Variants in PARVA observed in about 807,000 individuals in gnomAD.
The protein encoded by PARVA is alpha-parvin.
PARVA carries 25 observed loss-of-function variants against 52.6 expected under a neutral mutation model. The observed-to-expected ratio is 0.48, with a 90% CI of 0.35 to 0.66. PARVA has a LOEUF of 0.66. Among genes scored for constraint, PARVA ranks in the 30% least tolerant of loss-of-function variants. The pLI is 0.01. For missense variants in PARVA, 373 were observed against 450.9 expected (o/e 0.83, Z 1.56); for synonymous variants, 185 against 179.1 (o/e 1.03, Z -0.26).
rs1939418909 is a variant in PARVA at position 12,377,791 on chromosome 11, C to CGGCCA, written c.136+13_136+17dup. 6 of 1,480,604 alleles carry CGGCCA rather than the reference C, an allele frequency of 4.1e-6. No homozygotes were observed. Among genetic ancestry groups the CGGCCA allele is most frequent in the Admixed American group, 2.6e-5 (1 of 38,772 alleles). 91.7% of individuals were successfully genotyped at this position (1,480,604 alleles called of 1,614,324 possible). ...GGAAGAAAGCCAAGGAGGGTGAGTG[C>CGGCCA]GGCCAGGCCGGCCGGGCGGGCGGTA... On this transcript the variant is annotated intron_variant, in intron 1 of 12. Transcript: ENST00000334956.
At chr11:12,378,974 CAG>C (rs1036368394) in intron 1 of PARVA, among the ~76,000 whole-genome samples, 20 of 152,296 alleles carry the variant, frequency 1.3e-4, no homozygotes, top group African/African-American at 4.8e-4. Flanking sequence ...ACTCCATAGA[CAG>C]AGCAGCCTGG....
intron 1 of PARVA, among the ~76,000 whole-genome samples, chr11:12,437,109 A>G (rs1940396933): frequency 6.6e-6 from 1 of 152,224 alleles, no homozygotes; most frequent in African/African-American, 2.4e-5. Context: ...TTATAATCCA[A>G]TATTTTATAG....
At chr11:12,450,952 A>G (rs186450676) in intron 1 of PARVA, among the ~76,000 whole-genome samples, 2 of 152,114 alleles carry the variant, frequency 1.3e-5, no homozygotes, top group Non-Finnish European at 2.9e-5. Context: ...CACTAACTCA[A>G]AATGTTAATC....
chr11:12,402,790 G>T (rs1427463773), intron 1 of PARVA, among the ~76,000 whole-genome samples: 1 of 152,218 alleles, frequency 6.6e-6, no homozygotes, highest in East Asian at 1.9e-4. Context: ...ACATACGTAA[G>T]AAGGAGCTTA....
intron 5 of PARVA, among the ~76,000 whole-genome samples, chr11:12,498,922 A>G (rs1234241786): frequency 6.6e-6 from 1 of 152,138 alleles, no homozygotes; most frequent in Non-Finnish European, 1.5e-5. Flanking sequence ...ATCTTACATC[A>G]CACGTATTTT....
chr11:12,519,568 G>A (rs10765956), intron 12 of PARVA, among the ~76,000 whole-genome samples: 98,973 of 152,004 alleles, frequency 0.65, 32,566 homozygotes, highest in East Asian at 0.81. Flanking sequence ...TCTGTCTTGG[G>A]GGAGGAACAG....
chr11:12,478,765 T>A (rs965824880), intron 4 of PARVA: 2 of 152,540 alleles, frequency 1.3e-5, no homozygotes, highest in Non-Finnish European at 2.9e-5. Context: ...TTGACTTCTC[T>A]GAACTATTGA....
chr11:12,388,560 C>A (rs1335516594), intron 1 of PARVA, among the ~76,000 whole-genome samples: 2 of 152,116 alleles, frequency 1.3e-5, no homozygotes, highest in Admixed American at 6.5e-5. Context: ...GTTTTTCCTT[C>A]CCCATTATAA....
chr11:12,396,570 A>G (rs567003211), intron 1 of PARVA, among the ~76,000 whole-genome samples: 3 of 152,224 alleles, frequency 2.0e-5, no homozygotes, highest in Non-Finnish European at 4.4e-5. Flanking sequence ...TGTCTTGAAG[A>G]TGAAAGGAAT....
chr11:12,501,340 C>G (rs1050492210), intron 5 of PARVA, among the ~76,000 whole-genome samples: 1 of 151,738 alleles, frequency 6.6e-6, no homozygotes, highest in Non-Finnish European at 1.5e-5. Context: ...ATATATATAG[C>G]TATACTATCT....
At chr11:12,485,144 A>G (rs1941142744) in intron 4 of PARVA, among the ~76,000 whole-genome samples, 2 of 151,602 alleles carry the variant, frequency 1.3e-5, no homozygotes, top group African/African-American at 4.9e-5. Context: ...GGCCTTACAG[A>G]AAAAGATTCT....
In PARVA at chr11:12,525,528, T is replaced by A. The variant is rs113919727; in HGVS notation, c.1043-2321T>A. Among the ~76,000 whole-genome samples the A allele has an allele frequency of 4.0e-3, 609 of 152,190 alleles. 8 individuals carry two copies. Among genetic ancestry groups the A allele is most frequent in the African/African-American group, 0.012 (505 of 41,544 alleles). ...CCCTCTCTGCCTTTCTAGCAGTTCCTCCCTGGAGTAACTTCCTGGTATTTG... is the reference window on the plus strand; with the variant it reads ...CCCTCTCTGCCTTTCTAGCAGTTCCACCCTGGAGTAACTTCCTGGTATTTG... On this transcript the variant is annotated intron_variant, in intron 12 of 12. Coordinates refer to ENST00000334956, the MANE Select transcript of PARVA (RefSeq NM_018222.5).
chr11:12,382,129 A>G (rs1939498458), intron 1 of PARVA, among the ~76,000 whole-genome samples: 4 of 152,252 alleles, frequency 2.6e-5, no homozygotes, highest in Admixed American at 2.0e-4. Flanking sequence ...AACAGGAGGT[A>G]GCTGTGAAAT....
chr11:12,394,634 A>G (rs2134958107), intron 1 of PARVA, among the ~76,000 whole-genome samples: 1 of 152,198 alleles, frequency 6.6e-6, no homozygotes, highest in East Asian at 1.9e-4. Context: ...GTATGTGGAG[A>G]GTTGCTGTAG....
rs545224796 is a variant in PARVA at position 12,382,443 on chromosome 11, A to G, written c.136+4660A>G. 2.0e-4 allele frequency among the ~76,000 whole-genome samples: 30 copies of G among 150,298 alleles called. 2 individuals are homozygous for G. The South Asian group carries it at 6.3e-3, about 31-fold the overall frequency. On this transcript the variant is annotated intron_variant, in intron 1 of 12. Transcript: ENST00000334956. ...TCATCTCAAGGTTTTTCTAATTGTC[A>G]CAGATCTCCAAAAATATTTTCCCAT...
intron 1 of PARVA, among the ~76,000 whole-genome samples, chr11:12,396,885 TCTTTCTTC>T (rs71963771): frequency 0.14 from 20,077 of 145,788 alleles, 1,801 homozygotes; most frequent in Non-Finnish European, 0.19. Context: ...CTTGTTTTGT[TCTTTCTTC>T]CTTTCTTCCT....
At chr11:12,513,850 G>T in intron 9 of PARVA, 147 bp from the exon 10 acceptor site, 1 of 685,610 alleles carries the variant, frequency 1.5e-6, no homozygotes, top group Admixed American at 2.3e-5. Flanking sequence ...GGCCTTTGCA[G>T]AGAGAGCTCC....
chr11:12,511,599 A>G, intron 8 of PARVA, 66 bp downstream of exon 8: 1 of 1,537,082 alleles, frequency 6.5e-7, no homozygotes. Context: ...ATTCCGCAGC[A>G]GCTGGGAGGA....
At chr11:12,525,918 G>A (rs749387051) in intron 12 of PARVA, among the ~76,000 whole-genome samples, 1 of 152,032 alleles carries the variant, frequency 6.6e-6, no homozygotes, top group Non-Finnish European at 1.5e-5. Flanking sequence ...GGGCCTTGGG[G>A]TGGGGGGAAC....
Sources: gnomAD v4.1 joint callset for allele counts (sites outside exome capture counted in the v4.1 genomes callset) on GRCh38, gnomAD v4.1.1 for gene constraint, MANE v1.5 for transcripts, NCBI Gene and HGNC (gene_info 2026-07-23, HGNC 2026-07-21) for gene names.